Variants in ADGRB3 observed in about 807,000 individuals in gnomAD.
ADGRB3 encodes adhesion G protein-coupled receptor B3.
In ADGRB3, 37 loss-of-function variants were observed where a neutral mutation model predicts 193.4. The observed-to-expected ratio is 0.19, with a 90% CI of 0.15 to 0.25. The LOEUF is 0.25. Among genes scored for constraint, ADGRB3 ranks in the 10% least tolerant of loss-of-function variants. ADGRB3 has a pLI of 1.00. For missense variants in ADGRB3, 1,637 were observed against 1,852.9 expected, an observed-to-expected ratio of 0.88 and a Z score of 2.14; for synonymous variants, 690 against 644.2, an observed-to-expected ratio of 1.07 and a Z score of -1.08.
intron 17 of ADGRB3, among the ~76,000 whole-genome samples, chr6:69,193,646 A>C (rs992074683): frequency 1.3e-5 from 2 of 152,160 alleles, no homozygotes; most frequent in African/African-American, 4.8e-5. Flanking sequence ...TGAGTTAGAA[A>C]TTAGAACACC....
intron 17 of ADGRB3, among the ~76,000 whole-genome samples, chr6:69,199,352 CA>C (rs1319100098): frequency 5.9e-5 from 9 of 151,958 alleles, no homozygotes; most frequent in Non-Finnish European, 1.3e-4. Context: ...TGACCTTGGG[CA>C]AGTTAAATTA....
chr6:69,375,620 G>C (rs1228045735), intron 30 of ADGRB3, among the ~76,000 whole-genome samples: 2 of 152,064 alleles, frequency 1.3e-5, no homozygotes, highest in Admixed American at 1.3e-4. Flanking sequence ...AGACAATTAG[G>C]TAAGTTGTTC....
intron 17 of ADGRB3, among the ~76,000 whole-genome samples, chr6:69,190,505 TA>T (rs2053123809): frequency 6.6e-6 from 1 of 152,076 alleles, no homozygotes; most frequent in South Asian, 2.1e-4. Flanking sequence ...GTCAAAAAGT[TA>T]AAAAATATTA....
At chr6:68,893,046 C>T (rs1766122740) in intron 3 of ADGRB3, among the ~76,000 whole-genome samples, 1 of 152,068 alleles carries the variant, frequency 6.6e-6, no homozygotes, top group African/African-American at 2.4e-5. Context: ...CCCTTGAAAA[C>T]ATTGGAAAAT....
chr6:69,373,769 G>A (rs1489838408), intron 30 of ADGRB3, among the ~76,000 whole-genome samples: 1 of 151,950 alleles, frequency 6.6e-6, no homozygotes, highest in East Asian at 1.9e-4. Flanking sequence ...AAATTGTTAT[G>A]TTAGTATAAA....
intron 3 of ADGRB3, among the ~76,000 whole-genome samples, chr6:68,687,932 G>C (rs1007860956): frequency 1.3e-5 from 2 of 152,108 alleles, no homozygotes; most frequent in South Asian, 2.1e-4. Context: ...AGTCACTAAG[G>C]TACACTAGGT....
At chr6:69,202,321 C>G (rs1379806074) in intron 17 of ADGRB3, among the ~76,000 whole-genome samples, 1 of 151,990 alleles carries the variant, frequency 6.6e-6, no homozygotes, top group Non-Finnish European at 1.5e-5. Flanking sequence ...TTACTAAAAC[C>G]TCTATACTTT....
At position 69,076,090 on chromosome 6, in the gene ADGRB3, A is replaced by G. The variant is rs372069121; in HGVS notation, c.2480+52A>G. 7.5e-5 allele frequency: 114 copies of G among 1,518,204 alleles called. No homozygotes were observed. The East Asian group carries it at 1.0e-3, about 14-fold the overall frequency. 94.0% of individuals were successfully genotyped at this position (1,518,204 alleles called of 1,614,324 possible). On this transcript the variant is annotated intron_variant, in intron 17 of 31. Transcript: ENST00000370598. ...ACTTTGGGCTAAATTTTCAAAGCAC[A>G]TTAAGTTAGTTCAGCTGCCTGCTAG...
At chr6:69,036,894 C>G (rs972801965) in intron 13 of ADGRB3, among the ~76,000 whole-genome samples, 2 of 151,992 alleles carry the variant, frequency 1.3e-5, no homozygotes, top group Non-Finnish European at 2.9e-5. Context: ...TGAATTATTT[C>G]AAGTAAGAAA....
intron 3 of ADGRB3, among the ~76,000 whole-genome samples, chr6:68,794,196 C>T (rs1767164307): frequency 6.6e-6 from 1 of 151,944 alleles, no homozygotes; most frequent in African/African-American, 2.4e-5. Context: ...TTATGTATCC[C>T]TTAAAATTTG....
At chr6:68,676,959 A>G (rs1359449289) in intron 3 of ADGRB3, among the ~76,000 whole-genome samples, 1 of 152,224 alleles carries the variant, frequency 6.6e-6, no homozygotes, top group Non-Finnish European at 1.5e-5. Flanking sequence ...TGAATAAAAC[A>G]CAGTTACTCA....
chr6:69,230,593 A>G (rs1427117602), intron 17 of ADGRB3, among the ~76,000 whole-genome samples: 1 of 152,236 alleles, frequency 6.6e-6, no homozygotes, highest in Non-Finnish European at 1.5e-5. Context: ...AATAATAGTT[A>G]TATGTATGCT....
intron 20 of ADGRB3, among the ~76,000 whole-genome samples, chr6:69,294,836 T>A (rs1274536005): frequency 6.6e-6 from 1 of 152,176 alleles, no homozygotes; most frequent in Non-Finnish European, 1.5e-5. Context: ...CCAATCTTTG[T>A]CCCTTTTTGC....
intron 15 of ADGRB3, among the ~76,000 whole-genome samples, chr6:69,051,677 A>G (rs1218904098): frequency 6.6e-6 from 1 of 152,226 alleles, no homozygotes; most frequent in Non-Finnish European, 1.5e-5. Flanking sequence ...ACATTCTTCC[A>G]GAAAGTCTAA....
At chr6:68,944,816 T>G (rs142296352) in intron 6 of ADGRB3, among the ~76,000 whole-genome samples, 2 of 152,254 alleles carry the variant, frequency 1.3e-5, no homozygotes, top group African/African-American at 4.8e-5. Flanking sequence ...AAGACACATT[T>G]TAAAGAAAGA....
chr6:68,758,226 C>T (rs1766333610), intron 3 of ADGRB3, among the ~76,000 whole-genome samples: 1 of 151,992 alleles, frequency 6.6e-6, no homozygotes, highest in Non-Finnish European at 1.5e-5. Context: ...ATATGAAGAG[C>T]TCAATAAACA....
intron 13 of ADGRB3, among the ~76,000 whole-genome samples, chr6:69,033,053 A>G (rs764471977): frequency 2.6e-5 from 4 of 152,162 alleles, no homozygotes; most frequent in Admixed American, 2.0e-4. Context: ...TAAGTTTAGT[A>G]TCCTACATTT....
intron 17 of ADGRB3, among the ~76,000 whole-genome samples, chr6:69,160,739 A>T (rs972167337): frequency 6.6e-6 from 1 of 152,150 alleles, no homozygotes; most frequent in Non-Finnish European, 1.5e-5. Flanking sequence ...TAATGTTTAT[A>T]GGCATATAAT....
rs150721262 is a variant in ADGRB3, at chr6:69,280,805, A to G, written c.2814+41579A>G. ...GCTCTAAACAGTAAACACCTCAGGC[A>G]GGCTTTAATGGCAAAGCAAAATTAC... On this transcript the variant is annotated intron_variant, in intron 20 of 31. Coordinates refer to ENST00000370598, the MANE Select transcript of ADGRB3 (RefSeq NM_001704.3). Among the ~76,000 whole-genome samples, 643 of 152,310 alleles carry G rather than the reference A, an allele frequency of 4.2e-3. 6 individuals carry two copies. The highest frequency in any genetic ancestry group is 0.015 in the African/African-American group (611 of 41,566).
Sources: allele counts gnomAD v4.1 joint callset (sites outside exome capture counted in the v4.1 genomes callset), GRCh38; gene constraint gnomAD v4.1.1; transcripts MANE v1.5; gene names NCBI Gene and HGNC (gene_info 2026-07-23, HGNC 2026-07-21).